Variants in PDE4D observed in about 807,000 individuals in gnomAD.
PDE4D encodes the protein phosphodiesterase 4D, also known as 3',5'-cyclic-AMP phosphodiesterase 4D.
In PDE4D, 24 loss-of-function variants were observed where a neutral mutation model predicts 87.4. That is an observed-to-expected ratio of 0.27 (90% CI 0.20 to 0.39). PDE4D has a LOEUF of 0.39. PDE4D is among the 10% of genes least tolerant of loss of function. The probability of loss-of-function intolerance (pLI) is 1.00; values close to 1 mark genes in which losing one functional copy is unlikely to be tolerated. For missense variants in PDE4D, 714 were observed against 1,041.0 expected, an observed-to-expected ratio of 0.69 and a Z score of 4.32; for synonymous variants, 384 against 383.2, an observed-to-expected ratio of 1.00 and a Z score of -0.02.
rs369870345 is a variant in PDE4D at position 59,650,982 on chromosome 5, G to A, written c.455+242186C>T. Among the ~76,000 whole-genome samples, 5 of 152,184 alleles carry A rather than the reference G, an allele frequency of 3.3e-5. No individual in the cohort carries two copies. In the East Asian group the frequency reaches 7.7e-4, roughly 23 times the overall value. On this transcript the variant is annotated intron_variant, in intron 1 of 14. Transcript: ENST00000340635. ...TTATAAAAATAATTGTTGGCCGGGCGCGGTGGCTCACGCCTGTAATCTCAG... is the reference window on the plus strand; with the variant it reads ...TTATAAAAATAATTGTTGGCCGGGCACGGTGGCTCACGCCTGTAATCTCAG...
At chr5:59,751,186 G>A (rs1760405927) in intron 1 of PDE4D, among the ~76,000 whole-genome samples, 1 of 152,138 alleles carries the variant, frequency 6.6e-6, no homozygotes, top group South Asian at 2.1e-4. Flanking sequence ...AGAACTGCTA[G>A]ATGTGTTCTA....
chr5:59,893,558 C>T lies in PDE4D; in HGVS notation c.65G>A (p.Gly22Asp), dbSNP rs1480373658. 4 of 1,536,932 alleles carry T rather than the reference C, an allele frequency of 2.6e-6. No homozygotes were observed. The Admixed American group carries it at 8.0e-5, about 31-fold the overall frequency. The change falls in exon 1 of 15, where the codon GGC (glycine) becomes GAC (aspartate). Residue 22 changes from glycine to aspartate, a missense_variant. Transcript: ENST00000340635. ...CTTGGGGGCTTTGAGCGTGGCCCCG[C>T]CGGCGCTGTCGCTGCCCTCTCCGCT... ...AGSGEGSDSA[G>D]GATLKAPKHL...
At chr5:60,196,345 T>C (rs1018223641) in intron 1 of PDE4D, among the ~76,000 whole-genome samples, 1 of 151,678 alleles carries the variant, frequency 6.6e-6, no homozygotes, top group Non-Finnish European at 1.5e-5. Flanking sequence ...TAATTAAAAG[T>C]CCAGGGACCT....
At chr5:59,705,549 G>C (rs913780144) in intron 1 of PDE4D, among the ~76,000 whole-genome samples, 2 of 152,002 alleles carry the variant, frequency 1.3e-5, no homozygotes, top group African/African-American at 4.8e-5. Flanking sequence ...CCCAGGCTAC[G>C]GTAAATATAT....
At chr5:60,352,914 T>A (rs1408005856) in intron 1 of PDE4D, among the ~76,000 whole-genome samples, 3 of 152,192 alleles carry the variant, frequency 2.0e-5, no homozygotes, top group Admixed American at 1.3e-4. Flanking sequence ...TAATGCTCAA[T>A]GACTTGACAT....
chr5:60,166,393 T>G (rs1418072374), intron 2 of PDE4D, among the ~76,000 whole-genome samples: 2 of 152,242 alleles, frequency 1.3e-5, no homozygotes, highest in Non-Finnish European at 2.9e-5. Flanking sequence ...CAACTTAACA[T>G]GGATTGCAAA....
intron 1 of PDE4D, among the ~76,000 whole-genome samples, chr5:59,788,782 A>G (rs1765456660): frequency 6.6e-6 from 1 of 152,254 alleles, no homozygotes; most frequent in Non-Finnish European, 1.5e-5. Flanking sequence ...ATTATAGTTA[A>G]TGTAACCTCC....
intron 1 of PDE4D, among the ~76,000 whole-genome samples, chr5:59,576,446 C>T (rs958345283): frequency 6.6e-6 from 1 of 152,066 alleles, no homozygotes; most frequent in Non-Finnish European, 1.5e-5. Context: ...AGCACAATAA[C>T]ATTATTTGAA....
chr5:60,314,462 CG>C (rs1433182820), intron 1 of PDE4D, among the ~76,000 whole-genome samples: 1 of 151,896 alleles, frequency 6.6e-6, no homozygotes, highest in Non-Finnish European at 1.5e-5. Context: ...CCACTGCACC[CG>C]GCGGACAGTA....
chr5:60,503,370 T>C (rs534256038), intron 1 of PDE4D, among the ~76,000 whole-genome samples: 2 of 152,328 alleles, frequency 1.3e-5, no homozygotes, highest in South Asian at 4.1e-4. Flanking sequence ...TACTCTGCTA[T>C]GTGTGCTGTT....
chr5:59,506,459 A>G (rs1007619020), intron 1 of PDE4D, among the ~76,000 whole-genome samples: 1 of 152,174 alleles, frequency 6.6e-6, no homozygotes, highest in Non-Finnish European at 1.5e-5. Context: ...ATCAACAGGT[A>G]TATAGTTTAA....
intron 2 of PDE4D, among the ~76,000 whole-genome samples, chr5:60,099,607 G>A (rs1776027969): frequency 6.6e-6 from 1 of 151,726 alleles, no homozygotes; most frequent in South Asian, 2.1e-4. Context: ...GGTTTACCGA[G>A]AAAGAAAAAC....
intron 3 of PDE4D, chr5:59,987,784 C>T (rs1762593152): frequency 6.6e-6 from 1 of 152,190 alleles, no homozygotes. Context: ...AATATCCTTA[C>T]TTTCTTTCAC....
intron 1 of PDE4D, among the ~76,000 whole-genome samples, chr5:60,204,717 G>T (rs1562216242): frequency 6.6e-6 from 1 of 151,960 alleles, no homozygotes; most frequent in African/African-American, 2.4e-5. Flanking sequence ...AATTTATTTT[G>T]TATCACCTTT....
chr5:60,470,302 A>C (rs1747717580), intron 1 of PDE4D, among the ~76,000 whole-genome samples: 1 of 152,220 alleles, frequency 6.6e-6, no homozygotes, highest in Non-Finnish European at 1.5e-5. Context: ...TGATTCATGA[A>C]GTTTAATAAA....
intron 1 of PDE4D, among the ~76,000 whole-genome samples, chr5:59,619,558 T>C (rs1265626535): frequency 1.3e-5 from 2 of 152,178 alleles, no homozygotes; most frequent in African/African-American, 4.8e-5. Flanking sequence ...TTCTGATGCA[T>C]AGCCATGGCT....
In PDE4D at chr5:59,633,660, A is replaced by G. The variant is rs7700653; in HGVS notation, c.455+259508T>C. Reference sequence around the variant, plus strand: ...ACTAAGCTTCATAATTGAAGAAGAAACAAAATCCTTTACAAACAAGCAAAT... The same window carrying G: ...ACTAAGCTTCATAATTGAAGAAGAAGCAAAATCCTTTACAAACAAGCAAAT... On this transcript the variant is annotated intron_variant, in intron 1 of 14. Coordinates refer to ENST00000340635, the MANE Select transcript of PDE4D (RefSeq NM_001104631.2). Among the ~76,000 whole-genome samples the G allele has an allele frequency of 9.3e-3, 1,410 of 152,320 alleles. 27 individuals carry two copies. Among genetic ancestry groups the G allele is most frequent in the African/African-American group, 0.032 (1,333 of 41,572 alleles).
chr5:59,175,004 A>G (rs1358062668), intron 5 of PDE4D, among the ~76,000 whole-genome samples: 1 of 152,234 alleles, frequency 6.6e-6, no homozygotes, highest in African/African-American at 2.4e-5. Flanking sequence ...GTGAAGATGT[A>G]ACATTTAATG....
intron 11 of PDE4D, among the ~76,000 whole-genome samples, chr5:58,979,802 G>T (rs188225650): frequency 3.9e-5 from 6 of 152,004 alleles, no homozygotes; most frequent in Non-Finnish European, 1.5e-5. Context: ...AGCATGTATC[G>T]CATTCTACCT....
Sources: gnomAD v4.1 joint callset for allele counts (sites outside exome capture counted in the v4.1 genomes callset) on GRCh38, gnomAD v4.1.1 for gene constraint, MANE v1.5 for transcripts, NCBI Gene and HGNC (gene_info 2026-07-23, HGNC 2026-07-21) for gene names.